FBN2: variants seen among roughly 807,000 people sequenced by gnomAD.
FBN2 encodes the protein fibrillin 2, also known as fibrillin-2.
Under a neutral mutation model 355.6 loss-of-function variants are expected in FBN2, and 105 were observed. The ratio of observed to expected loss-of-function variants is 0.30; its 90% CI spans 0.25 to 0.35. The LOEUF is 0.35. Ranked by LOEUF, FBN2 falls within the 10% of genes least tolerant of loss-of-function variation. The pLI is 1.00. For synonymous variants in FBN2, 1,350 were observed against 1,301.2 expected (o/e 1.04, Z -0.81); for missense variants, 3,280 against 3,758.7 (o/e 0.87, Z 3.33).
At position 128,446,554 on chromosome 5, in the gene FBN2, G is replaced by T. The variant is rs1180679857; in HGVS notation, c.879C>A (p.Ile293=). ...TGCATTCAAAAGAGCCCACTGTATT[G>T]ATACAGTTTCCTCCTTGGCATATCC... ...IPGICQGGNC[I]NTVGSFECRC... Residue 293 remains isoleucine, a synonymous_variant, in exon 7 of 65, where the codon ATC becomes ATA. Coordinates refer to ENST00000262464, the MANE Select transcript of FBN2 (RefSeq NM_001999.4). The T allele has an allele frequency of 6.2e-7, 1 of 1,610,180 alleles. No individual in the cohort carries two copies. Among genetic ancestry groups the T allele is most frequent in the Non-Finnish European group, 8.5e-7 (1 of 1,176,406 alleles).
chr5:128,534,365 T>G (rs1263309098), intron 2 of FBN2, among the ~76,000 whole-genome samples: 1 of 152,208 alleles, frequency 6.6e-6, no homozygotes, highest in Non-Finnish European at 1.5e-5. Flanking sequence ...AATGTCAGAC[T>G]AATTGAACTA....
chr5:128,413,187 G>A (rs1310077402), intron 7 of FBN2, among the ~76,000 whole-genome samples: 2 of 152,190 alleles, frequency 1.3e-5, no homozygotes, highest in African/African-American at 4.8e-5. Context: ...ATGGACATTT[G>A]TGGTTTATCA....
chr5:128,423,607 G>A (rs1385774503), intron 7 of FBN2, among the ~76,000 whole-genome samples: 3 of 152,158 alleles, frequency 2.0e-5, no homozygotes, highest in Non-Finnish European at 4.4e-5. Context: ...CAAAGCAAGA[G>A]AGAGCATAAT....
rs1298427012 is a variant in FBN2, at chr5:128,311,375, T to C, written c.4999A>G (p.Ile1667Val). Residue 1667 changes from isoleucine (I) to valine (V), a missense_variant, in exon 39 of 65, where the codon ATC (isoleucine) becomes GTC (valine). Ile to Val is a conservative substitution (Grantham distance 29, BLOSUM62 3). Coordinates refer to ENST00000262464, the MANE Select transcript of FBN2 (RefSeq NM_001999.4). ...LPGLCQGGNCINTFGSFQCEC... is the reference protein window; with the variant it reads ...LPGLCQGGNCVNTFGSFQCEC... ...CACTGGAAGCTCCCAAAAGTGTTGA[T>C]GCAGTTTCCACCCTGGCAGAGACCT... 5 of 1,613,966 alleles carry C rather than the reference T, an allele frequency of 3.1e-6. No homozygotes were observed. The highest frequency in any genetic ancestry group is 1.6e-4 in the Middle Eastern group (1 of 6,084).
intron 5 of FBN2, among the ~76,000 whole-genome samples, chr5:128,489,817 T>C (rs1289498944): frequency 6.6e-6 from 1 of 152,184 alleles, no homozygotes; most frequent in African/African-American, 2.4e-5. Context: ...GGATGTGTGT[T>C]TGTGATTATT....
intron 4 of FBN2, among the ~76,000 whole-genome samples, chr5:128,523,642 C>T (rs964166055): frequency 1.3e-5 from 2 of 152,072 alleles, no homozygotes; most frequent in Non-Finnish European, 2.9e-5. Context: ...CAAAACAAAA[C>T]TCTTATCCTC....
At chr5:128,496,831 T>C (rs576333641) in intron 5 of FBN2, among the ~76,000 whole-genome samples, 9 of 151,918 alleles carry the variant, frequency 5.9e-5, no homozygotes, top group Admixed American at 4.6e-4. Context: ...TTGAAGACTA[T>C]TAGAATTAAC....
chr5:128,346,725 G>C (rs1021614652), intron 23 of FBN2, among the ~76,000 whole-genome samples: 1 of 152,084 alleles, frequency 6.6e-6, no homozygotes, highest in South Asian at 2.1e-4. Context: ...GATCACCTGA[G>C]GTCAGGAGTT....
rs757052151 is a variant in FBN2 at position 128,259,489 on chromosome 5, G to T, written c.8705C>A (p.Ala2902Asp). The T allele has an allele frequency of 1.1e-5, 17 of 1,613,478 alleles. No individual in the cohort carries two copies. In the Admixed American group the frequency reaches 2.8e-4, roughly 27 times the overall value. Reference sequence around the variant, plus strand: ...CTGAATCTGCAGCCTCATTCTGAGAGCCTCCCCAAGCTCCCCTAGGAGGTA... The same window carrying T: ...CTGAATCTGCAGCCTCATTCTGAGATCCTCCCCAAGCTCCCCTAGGAGGTA... ...DDYLLGELGE[A>D]LRMRLQIQLY The change falls in exon 65 of 65, where the codon GCT becomes GAT. Residue 2902 changes from alanine to aspartate, a missense_variant. Ala to Asp is a moderately radical substitution (Grantham distance 126). Transcript: ENST00000262464.
At chr5:128,304,218 C>T (rs1403350552) in intron 45 of FBN2, among the ~76,000 whole-genome samples, 1 of 152,190 alleles carries the variant, frequency 6.6e-6, no homozygotes, top group East Asian at 1.9e-4. Context: ...TAATTTTCCC[C>T]TTTCAAGTGC....
intron 7 of FBN2, among the ~76,000 whole-genome samples, chr5:128,444,925 A>T (rs1467616066): frequency 6.6e-6 from 1 of 152,360 alleles, no homozygotes; most frequent in Middle Eastern, 3.4e-3. Context: ...GTCCAGAAGT[A>T]AAAAGTGAAA....
At chr5:128,496,575 G>A (rs79594989) in intron 5 of FBN2, among the ~76,000 whole-genome samples, 321 of 152,064 alleles carry the variant, frequency 2.1e-3, no homozygotes, top group African/African-American at 3.8e-3. Context: ...TACTTGTTAC[G>A]TTCCGCGTAA....
chr5:128,297,520 C>G (rs1581197259), intron 48 of FBN2, among the ~76,000 whole-genome samples: 1 of 152,044 alleles, frequency 6.6e-6, no homozygotes, highest in Non-Finnish European at 1.5e-5. Flanking sequence ...TCTGGGTGCT[C>G]CTGTATTGGG....
rs1754157016 is a variant in FBN2 at position 128,449,285 on chromosome 5, CTATTATACTATA to C, written c.827-2691_827-2680del. Among the ~76,000 whole-genome samples the C allele has an allele frequency of 2.0e-5, 3 of 147,726 alleles. No homozygotes were observed. In the South Asian group the frequency reaches 6.4e-4, roughly 31 times the overall value. On this transcript the variant is annotated intron_variant, in intron 6 of 64. Transcript: ENST00000262464. ...ACATTATAAGTGAAGTGGCATTATA[CTATTATACTATA>C]TAATAGTATAATTATACAGTATACT... is the stretch of plus-strand genomic sequence containing the variant.
intron 57 of FBN2, 83 bp from the exon 58 acceptor site, chr5:128,278,088 A>C: frequency 7.0e-7 from 1 of 1,434,974 alleles, no homozygotes; most frequent in Non-Finnish European, 9.8e-7. Context: ...GAAATGAAGA[A>C]ATGGAGATGA....
At chr5:128,432,580 GAA>G (rs778134177) in intron 7 of FBN2, among the ~76,000 whole-genome samples, 16 of 152,258 alleles carry the variant, frequency 1.1e-4, no homozygotes, top group Non-Finnish European at 1.6e-4. Context: ...GCTCTTCACA[GAA>G]AAGTTTGCCA....
chr5:128,289,970 TC>T, intron 50 of FBN2, 23 bp from the exon 51 acceptor site: 1 of 1,456,692 alleles, frequency 6.9e-7, no homozygotes, highest in Non-Finnish European at 9.6e-7. Context: ...ATACAAATTC[TC>T]CATTATTGAA....
At chr5:128,354,098 T>C (rs1751440380) in intron 20 of FBN2, among the ~76,000 whole-genome samples, 1 of 152,194 alleles carries the variant, frequency 6.6e-6, no homozygotes, top group African/African-American at 2.4e-5. Context: ...AGTTAAGAAC[T>C]CTCAAAAAAT....
At chr5:128,363,444 C>A (rs554012209) in intron 18 of FBN2, among the ~76,000 whole-genome samples, 27 of 152,260 alleles carry the variant, frequency 1.8e-4, no homozygotes, top group Non-Finnish European at 3.8e-4. Flanking sequence ...CCCACCTCAG[C>A]CTCCCAAAGT....
Sources: gnomAD v4.1 joint callset for allele counts (sites outside exome capture counted in the v4.1 genomes callset) on GRCh38, gnomAD v4.1.1 for gene constraint, MANE v1.5 for transcripts, NCBI Gene and HGNC (gene_info 2026-07-23, HGNC 2026-07-21) for gene names.